QSOX1: variants seen among roughly 807,000 people sequenced by gnomAD.
The protein encoded by QSOX1 is quiescin sulfhydryl oxidase 1.
A neutral mutation model predicts 76.1 loss-of-function variants in QSOX1; 40 were observed. The observed-to-expected ratio is 0.53, with a 90% CI of 0.41 to 0.68. QSOX1 has a LOEUF of 0.68. Ranked by LOEUF, QSOX1 falls within the 30% of genes least tolerant of loss-of-function variation. QSOX1 has a pLI of 0.00. For missense variants in QSOX1, 931 were observed against 974.3 expected, an observed-to-expected ratio of 0.96 and a Z score of 0.59; for synonymous variants, 392 against 413.1, an observed-to-expected ratio of 0.95 and a Z score of 0.62.
At chr1:180,157,297 G>A (rs1237516729) in intron 1 of QSOX1, among the ~76,000 whole-genome samples, 1 of 152,206 alleles carries the variant, frequency 6.6e-6, no homozygotes, top group Admixed American at 6.5e-5. Flanking sequence ...GGCAGAATCT[G>A]CTGTCAGCCT....
At chr1:180,195,387 TC>T (rs1306613148) in intron 11 of QSOX1, among the ~76,000 whole-genome samples, 1 of 152,128 alleles carries the variant, frequency 6.6e-6, no homozygotes. Flanking sequence ...CTGCTTGTTG[TC>T]CCCTCCCCAA....
In QSOX1 at chr1:180,197,372, T is replaced by G; in HGVS notation, c.*335T>G. ...TGCCTCATTCTCACTGGAGCCTCAG[T>G]CTCTCCTGCTTGGTCTTGGCCCTCA... On this transcript the variant is annotated 3_prime_UTR_variant, in exon 12 of 12. Coordinates refer to ENST00000367602, the MANE Select transcript of QSOX1 (RefSeq NM_002826.5). The G allele has an allele frequency of 6.2e-7, 1 of 1,613,720 alleles. No individual in the cohort carries two copies. Among genetic ancestry groups the G allele is most frequent in the South Asian group, 1.1e-5 (1 of 91,076 alleles).
rs1298420587 is a variant in QSOX1, at chr1:180,203,613, G to T, written c.*6576G>T. Reference sequence around the variant, plus strand: ...TACTAAAGCCCATTCAATAAAATTTGTAGGAGGCCACTGATTTGGCCTAGG... The same window carrying T: ...TACTAAAGCCCATTCAATAAAATTTTTAGGAGGCCACTGATTTGGCCTAGG... On this transcript the variant is annotated 3_prime_UTR_variant, in exon 12 of 12. Transcript: ENST00000367602. 3 of 152,236 alleles carry T rather than the reference G, an allele frequency of 2.0e-5. No homozygotes were observed. The highest frequency in any genetic ancestry group is 4.4e-5 in the Non-Finnish European group (3 of 68,030). The allele number at this position is 152,236 out of a possible 1,614,324, so 9.4% of individuals were successfully genotyped here.
chr1:180,165,156 C>T (rs1360513832), intron 1 of QSOX1, among the ~76,000 whole-genome samples: 1 of 152,204 alleles, frequency 6.6e-6, no homozygotes, highest in African/African-American at 2.4e-5. Context: ...CAGGTGGGGT[C>T]AGAGGTCCTG....
chr1:180,184,236 G>A (rs1290940756), intron 7 of QSOX1, among the ~76,000 whole-genome samples, 186 bp downstream of exon 7: 1 of 152,186 alleles, frequency 6.6e-6, no homozygotes, highest in Admixed American at 6.5e-5. Context: ...TGTGGGAGCG[G>A]CATTTAGCTG....
chr1:180,189,077 A>G (rs1223849440), intron 8 of QSOX1, among the ~76,000 whole-genome samples: 1 of 152,186 alleles, frequency 6.6e-6, no homozygotes, highest in East Asian at 1.9e-4. Flanking sequence ...ATGGAATCCA[A>G]ATGAAAGGTC....
chr1:180,157,174 G>A (rs1662393711), intron 1 of QSOX1, among the ~76,000 whole-genome samples: 1 of 152,242 alleles, frequency 6.6e-6, no homozygotes, highest in African/African-American at 2.4e-5. Flanking sequence ...ATCAAAGTCT[G>A]TGGGGGTGAG....
At chr1:180,178,221 A>C (rs59077697) in intron 4 of QSOX1, among the ~76,000 whole-genome samples, 4,731 of 152,004 alleles carry the variant, frequency 0.031, 118 homozygotes, top group Middle Eastern at 0.085. Context: ...CCTCCTACCC[A>C]CTTCCGACTC....
intron 2 of QSOX1, among the ~76,000 whole-genome samples, chr1:180,169,285 G>A (rs911425614): frequency 7.2e-5 from 11 of 152,236 alleles, no homozygotes; most frequent in African/African-American, 2.4e-4. Flanking sequence ...GGCCTCAGGA[G>A]TGCCCTTCAG....
rs374892140 is a variant in QSOX1 at position 180,190,631 on chromosome 1, G to T, written c.1288+51G>T. 1.9e-6 allele frequency: 3 copies of T among 1,548,832 alleles called. No individual in the cohort carries two copies. In the African/African-American group the frequency reaches 4.3e-5, roughly 22 times the overall value. On this transcript the variant is annotated intron_variant, in intron 10 of 11. Coordinates refer to ENST00000367602, the MANE Select transcript of QSOX1 (RefSeq NM_002826.5). ...CTGTGCCTCCAACCCTGCTCTGTTC[G>T]GCCCTCCAAGGGGAGAGGGGGCAGG...
At chr1:180,171,619 A>G (rs1662761658) in intron 2 of QSOX1, among the ~76,000 whole-genome samples, 1 of 152,196 alleles carries the variant, frequency 6.6e-6, no homozygotes, top group African/African-American at 2.4e-5. Flanking sequence ...TCCACTCATC[A>G]TTTAGAAGCA....
rs1313692065 is a variant in QSOX1 at position 180,178,738 on chromosome 1, G to A, written c.516-56G>A. 5.2e-6 allele frequency: 8 copies of A among 1,539,084 alleles called. No individual in the cohort carries two copies. In the South Asian group the frequency reaches 7.8e-5, roughly 15 times the overall value. ...TCACCAGCGTCTGGCGTTGCCAGCG[G>A]TTTTGTCTTATTTCTGCTGGCTGTG... On this transcript the variant is annotated intron_variant, in intron 4 of 11. Transcript: ENST00000367602.
At chr1:180,171,076 G>A (rs1181325002) in intron 2 of QSOX1, among the ~76,000 whole-genome samples, 1 of 152,166 alleles carries the variant, frequency 6.6e-6, no homozygotes, top group African/African-American at 2.4e-5. Context: ...ATTTGAGGAG[G>A]AGCAAAATGT....
At chr1:180,155,326 G>A (rs1485542311) in intron 1 of QSOX1, among the ~76,000 whole-genome samples, 154 bp downstream of exon 1, 4 of 151,946 alleles carry the variant, frequency 2.6e-5, no homozygotes, top group African/African-American at 9.7e-5. Context: ...CCACCTTCAT[G>A]TTTCTCAGCT....
intron 2 of QSOX1, among the ~76,000 whole-genome samples, chr1:180,167,660 C>T (rs1190586612): frequency 6.6e-6 from 1 of 152,242 alleles, no homozygotes; most frequent in Admixed American, 6.5e-5. Context: ...AAGTCCCTTC[C>T]TAAACTGTTA....
chr1:180,194,460 T>C, intron 11 of QSOX1, 68 bp downstream of exon 11: 3 of 1,458,384 alleles, frequency 2.1e-6, no homozygotes, highest in Non-Finnish European at 2.8e-6. Context: ...TACTTGGGAG[T>C]CTTAGGCCAA....
At chr1:180,160,400 G>T (rs1232645958) in intron 1 of QSOX1, among the ~76,000 whole-genome samples, 1 of 151,236 alleles carries the variant, frequency 6.6e-6, no homozygotes, top group Non-Finnish European at 1.5e-5. Context: ...ATTAAAGCAG[G>T]AAGTGAGAAC....
At chr1:180,171,365 A>C (rs1662754882) in intron 2 of QSOX1, among the ~76,000 whole-genome samples, 1 of 124,656 alleles carries the variant, frequency 8.0e-6, no homozygotes, top group South Asian at 2.6e-4. Context: ...GGTGGCAGGG[A>C]GGGGGACTGG....
intron 1 of QSOX1, 103 bp downstream of exon 1, chr1:180,155,275 C>A: frequency 9.8e-7 from 1 of 1,017,750 alleles, no homozygotes; most frequent in South Asian, 1.8e-5. Context: ...CTCTTCCAGT[C>A]ACCTCCGCCC....
Sources: gnomAD v4.1 joint callset for allele counts (sites outside exome capture counted in the v4.1 genomes callset) on GRCh38, gnomAD v4.1.1 for gene constraint, MANE v1.5 for transcripts, NCBI Gene and HGNC (gene_info 2026-07-23, HGNC 2026-07-21) for gene names.